LTBP1: variants seen among roughly 807,000 people sequenced by gnomAD.
The protein encoded by LTBP1 is latent transforming growth factor beta binding protein 1.
A neutral mutation model predicts 207.6 loss-of-function variants in LTBP1; 129 were observed. That is an observed-to-expected ratio of 0.62 (90% CI 0.54 to 0.72). The LOEUF is 0.72. Ranked by LOEUF, LTBP1 falls within the 30% of genes least tolerant of loss-of-function variation. The pLI, the probability that LTBP1 is intolerant of heterozygous loss-of-function variation, is 0.00. For synonymous variants in LTBP1, 963 were observed against 833.7 expected, an observed-to-expected ratio of 1.16 and a Z score of -2.67; for missense variants, 2,281 against 2,217.2, an observed-to-expected ratio of 1.03 and a Z score of -0.58.
chr2:33,144,272 G>A (rs369794934), intron 5 of LTBP1, among the ~76,000 whole-genome samples: 37 of 152,222 alleles, frequency 2.4e-4, no homozygotes, highest in Admixed American at 5.2e-4. Flanking sequence ...CGGTAGGAGC[G>A]CACAGAAGGT....
chr2:33,383,312 C>T (rs1475938833), intron 31 of LTBP1, among the ~76,000 whole-genome samples: 1 of 152,220 alleles, frequency 6.6e-6, no homozygotes, highest in Non-Finnish European at 1.5e-5. Flanking sequence ...GAGATTGCGC[C>T]ACTGCACTCC....
intron 31 of LTBP1, among the ~76,000 whole-genome samples, chr2:33,368,601 G>T (rs1003323457): frequency 5.9e-5 from 9 of 152,234 alleles, no homozygotes; most frequent in Admixed American, 3.3e-4. Context: ...ATTCTGGCTG[G>T]CACCATGGCT....
chr2:33,098,345 T>G (rs755295774), intron 3 of LTBP1, among the ~76,000 whole-genome samples: 1 of 152,236 alleles, frequency 6.6e-6, no homozygotes, highest in Non-Finnish European at 1.5e-5. Context: ...GTGGGAAACT[T>G]CTGTATCTTA....
At chr2:33,041,685 G>A (rs754161734) in intron 3 of LTBP1, among the ~76,000 whole-genome samples, 14 of 152,172 alleles carry the variant, frequency 9.2e-5, no homozygotes, top group Middle Eastern at 3.2e-3. Context: ...ATGAACACCT[G>A]CTATGTGTCA....
At chr2:33,071,325 A>G (rs1428418222) in intron 3 of LTBP1, among the ~76,000 whole-genome samples, 1 of 152,358 alleles carries the variant, frequency 6.6e-6, no homozygotes, top group East Asian at 1.9e-4. Flanking sequence ...ATGTGGACAA[A>G]GTAGAAGCTA....
chr2:33,204,378 A>G (rs1330185903), intron 7 of LTBP1, among the ~76,000 whole-genome samples: 1 of 152,240 alleles, frequency 6.6e-6, no homozygotes, highest in Non-Finnish European at 1.5e-5. Context: ...CGTTGAGAAT[A>G]TTTAAAGTAT....
rs72867840 is a variant in LTBP1, at chr2:32,987,771, T to G, written c.566-33138T>G. The stretch of plus-strand genomic sequence containing the variant: ...TGTGCCACATCCATGCATTACATAC[T>G]CCTCCAGAATACCTCTAGCCATATT... On this transcript the variant is annotated intron_variant, in intron 2 of 33. Coordinates refer to ENST00000404816, the MANE Select transcript of LTBP1 (RefSeq NM_206943.4). Among the ~76,000 whole-genome samples the G allele has an allele frequency of 3.8e-3, 576 of 152,278 alleles. 3 individuals are homozygous for G. Among genetic ancestry groups the G allele is most frequent in the African/African-American group, 0.013 (556 of 41,540 alleles).
intron 3 of LTBP1, among the ~76,000 whole-genome samples, chr2:33,033,464 C>G (rs374487146): frequency 1.3e-5 from 2 of 152,110 alleles, no homozygotes; most frequent in Non-Finnish European, 2.9e-5. Context: ...CTTACAAGTA[C>G]AAACCACTTC....
chr2:33,284,108 A>G (rs533658048), intron 19 of LTBP1, among the ~76,000 whole-genome samples: 17 of 152,340 alleles, frequency 1.1e-4, no homozygotes, highest in Non-Finnish European at 2.2e-4. Context: ...CACAGACTAA[A>G]TGATGAACTT....
chr2:33,219,825 A>G (rs943811820), intron 8 of LTBP1, among the ~76,000 whole-genome samples: 3 of 152,006 alleles, frequency 2.0e-5, no homozygotes, highest in African/African-American at 2.4e-5. Flanking sequence ...GATGTGATAG[A>G]CATTAAAGGT....
At chr2:33,320,756 G>A (rs957817878) in intron 24 of LTBP1, among the ~76,000 whole-genome samples, 1 of 152,166 alleles carries the variant, frequency 6.6e-6, no homozygotes, top group Admixed American at 6.5e-5. Context: ...TGTAAACTAT[G>A]GACTTTGGAT....
chr2:33,127,132 T>G (rs1387795627), intron 4 of LTBP1, among the ~76,000 whole-genome samples: 1 of 152,234 alleles, frequency 6.6e-6, no homozygotes, highest in Non-Finnish European at 1.5e-5. Flanking sequence ...TAGAGGCACA[T>G]CAAGACATCT....
intron 3 of LTBP1, among the ~76,000 whole-genome samples, chr2:33,103,046 A>G (rs1369276705): frequency 6.6e-6 from 1 of 151,248 alleles, no homozygotes; most frequent in Non-Finnish European, 1.5e-5. Context: ...CATAGTCTGT[A>G]TGTTGTATGC....
intron 3 of LTBP1, among the ~76,000 whole-genome samples, chr2:33,068,975 A>G (rs1166093566): frequency 1.3e-5 from 2 of 152,246 alleles, no homozygotes; most frequent in Non-Finnish European, 2.9e-5. Context: ...CATTTAGATC[A>G]GAGAATGAAT....
intron 2 of LTBP1, among the ~76,000 whole-genome samples, chr2:32,983,314 G>A (rs1206420148): frequency 6.6e-6 from 1 of 152,218 alleles, no homozygotes; most frequent in Admixed American, 6.5e-5. Flanking sequence ...CCCAATGCCT[G>A]TACCCTCATT....
At chr2:33,051,433 A>C (rs76233008) in intron 3 of LTBP1, among the ~76,000 whole-genome samples, 1 of 151,844 alleles carries the variant, frequency 6.6e-6, no homozygotes, top group East Asian at 1.9e-4. Context: ...AAGAAAAAAA[A>C]CACACACACA....
chr2:33,260,355 T>A (rs1174911928), intron 13 of LTBP1, among the ~76,000 whole-genome samples: 1 of 152,190 alleles, frequency 6.6e-6, no homozygotes, highest in Non-Finnish European at 1.5e-5. Flanking sequence ...TGAAATGGGA[T>A]CTCAATGCAT....
intron 8 of LTBP1, among the ~76,000 whole-genome samples, chr2:33,220,634 A>C (rs1168625654): frequency 6.6e-6 from 1 of 152,238 alleles, no homozygotes; most frequent in Non-Finnish European, 1.5e-5. Context: ...CTTCAAGTAG[A>C]TGACTGCTGA....
In LTBP1 at chr2:32,987,712, G is replaced by T. The variant is rs1683807766; in HGVS notation, c.566-33197G>T. Among the ~76,000 whole-genome samples, 3 of 152,046 alleles carry T rather than the reference G, an allele frequency of 2.0e-5. No homozygotes were observed. In the South Asian group the frequency reaches 6.2e-4, roughly 32 times the overall value. On this transcript the variant is annotated intron_variant, in intron 2 of 33. Coordinates refer to ENST00000404816, the MANE Select transcript of LTBP1 (RefSeq NM_206943.4). ...ACACACTGTTGTTATTGTTAATATT[G>T]GTTTCAGGGCTTTCAGGAAACAAAG...
Sources: gnomAD v4.1 joint callset for allele counts (sites outside exome capture counted in the v4.1 genomes callset) on GRCh38, gnomAD v4.1.1 for gene constraint, MANE v1.5 for transcripts, NCBI Gene and HGNC (gene_info 2026-07-23, HGNC 2026-07-21) for gene names.